BRSK1: variants seen among roughly 807,000 people sequenced by gnomAD.
BRSK1 encodes the protein BR serine/threonine kinase 1.
BRSK1 carries 17 observed loss-of-function variants against 86.2 expected under a neutral mutation model. The ratio of observed to expected loss-of-function variants is 0.20; its 90% CI spans 0.14 to 0.30. The LOEUF is 0.30. Among genes scored for constraint, BRSK1 ranks in the 10% least tolerant of loss-of-function variants. The probability of loss-of-function intolerance (pLI) is 1.00; values close to 1 mark genes in which losing one functional copy is unlikely to be tolerated. For missense variants in BRSK1, 719 were observed against 1,071.9 expected (o/e 0.67, Z 4.60); for synonymous variants, 464 against 440.1 (o/e 1.05, Z -0.68).
chr19:55,286,907 C>G, intron 1 of BRSK1, 100 bp from the exon 2 acceptor site: 1 of 1,068,798 alleles, frequency 9.4e-7, no homozygotes, highest in South Asian at 1.3e-5. Flanking sequence ...AACAGCCAGC[C>G]CAGGAGGAAG....
chr19:55,290,697 A>G (rs1215289220), intron 4 of BRSK1, among the ~76,000 whole-genome samples: 4 of 150,740 alleles, frequency 2.7e-5, no homozygotes, highest in Admixed American at 6.6e-5. Context: ...GCTGGAGTGC[A>G]GTGGCGCGAT....
chr19:55,305,633 A>C (rs1479089929), intron 16 of BRSK1, 47 bp downstream of exon 16: 2 of 1,612,192 alleles, frequency 1.2e-6, no homozygotes, highest in East Asian at 2.2e-5. Flanking sequence ...CAGAACTACA[A>C]GTCCCAGCAG....
At chr19:55,305,687 G>A in intron 16 of BRSK1, 101 bp downstream of exon 16, 2 of 1,530,542 alleles carry the variant, frequency 1.3e-6, no homozygotes, top group Non-Finnish European at 1.8e-6. Flanking sequence ...CTTCCTCCTG[G>A]GGCTCATGGG....
In BRSK1 at chr19:55,284,062, A is replaced by C; in HGVS notation, c.-381A>C. ...GCGGGGGGAGGCGGAGAGGAGGAGG[A>C]GGCGGAGGAGAGAGGGCGCGTGGGG... On this transcript the variant is annotated 5_prime_UTR_variant, in exon 1 of 19. Transcript: ENST00000309383. 5 of 655,548 alleles carry C rather than the reference A, an allele frequency of 7.6e-6. No homozygotes were observed. Among genetic ancestry groups the C allele is most frequent in the Non-Finnish European group, 9.9e-6 (5 of 506,724 alleles). The allele number at this position is 655,548 out of a possible 1,614,324, so 40.6% of individuals were successfully genotyped here.
Position 55,284,350 on chromosome 19 carries a change from G to T in BRSK1, c.-93G>T. 7.6e-6 allele frequency: 7 copies of T among 916,366 alleles called. No homozygotes were observed. The highest frequency in any genetic ancestry group is 1.0e-5 in the Non-Finnish European group (7 of 693,654). The allele number at this position is 916,366 out of a possible 1,614,324, so 56.8% of individuals were successfully genotyped here. ...AGGTGGGGGGCAGCCGGGGGGGCCG[G>T]GACGGAGCGGTCGCCGGCCCCCACC... On this transcript the variant is annotated 5_prime_UTR_variant, in exon 1 of 19. Transcript: ENST00000309383.
intron 4 of BRSK1, 113 bp from the exon 5 acceptor site, chr19:55,293,904 A>T (rs1488556926): frequency 2.5e-6 from 2 of 800,500 alleles, no homozygotes; most frequent in South Asian, 4.5e-5. Flanking sequence ...ATGGTCTCTC[A>T]TCCCCTAAAA....
rs758877732 is a variant in BRSK1 at position 55,302,681 on chromosome 19, TTC to T, written c.858-13_858-12del. On this transcript the variant is annotated splice_polypyrimidine_tract_variant and intron_variant, in intron 9 of 18. Transcript: ENST00000309383. This position sits in a 1 kb window ranked among gnomAD's most constrained non-coding sequence, Gnocchi z 6.3. ...TCAGAAGCCCGGTTCCCAATAATGTTTCTCCACTTCCCCAGAGGCGGGAAACA... is the reference window on the plus strand; with the variant it reads ...TCAGAAGCCCGGTTCCCAATAATGTTTCCACTTCCCCAGAGGCGGGAAACA... 1.3e-6 allele frequency: 2 copies of T among 1,596,426 alleles called. No individual in the cohort carries two copies. The highest frequency in any genetic ancestry group is 2.2e-5 in the South Asian group (2 of 90,512).
intron 18 of BRSK1, among the ~76,000 whole-genome samples, chr19:55,311,622 A>G (rs551379013): frequency 1.3e-5 from 2 of 152,138 alleles, no homozygotes; most frequent in African/African-American, 4.8e-5. Context: ...AGAGTCTCCT[A>G]AAGTCAGGCC....
chr19:55,308,274 A>G (rs569640690), intron 17 of BRSK1, among the ~76,000 whole-genome samples: 1 of 108,668 alleles, frequency 9.2e-6, no homozygotes, highest in East Asian at 1.9e-4. Flanking sequence ...ATCTGCCCAC[A>G]TCGGCATTCC....
At position 55,284,498 on chromosome 19, in the gene BRSK1, A is replaced by AAG; in HGVS notation, c.56_57insAG (p.His19GlnfsTer48). ...GGCTCTCCCGCCTACCACCTCCCCC[A>AAG]CCCCCACCCCCACCCACCCCAGCAC... is the stretch of plus-strand genomic sequence containing the variant. On this transcript the variant is annotated frameshift_variant, in exon 1 of 19. Transcript: ENST00000309383. LOFTEE classifies it high-confidence loss of function. 2.5e-6 allele frequency: 1 copy of AAG among 403,748 alleles called. No individual in the cohort carries two copies. Among genetic ancestry groups the AAG allele is most frequent in the African/African-American group, 2.3e-5 (1 of 44,086 alleles). The allele number at this position is 403,748 out of a possible 1,614,324, so 25.0% of individuals were successfully genotyped here.
At chr19:55,284,917 G>A (rs1017170273) in intron 1 of BRSK1, among the ~76,000 whole-genome samples, 2 of 150,482 alleles carry the variant, frequency 1.3e-5, no homozygotes, top group Admixed American at 6.6e-5. Flanking sequence ...GGGTTTCAGG[G>A]AGGAGGGGCT....
At position 55,284,232 on chromosome 19, in the gene BRSK1, G is replaced by A. The variant is rs1336771034; in HGVS notation, c.-211G>A. The A allele has an allele frequency of 7.2e-6, 4 of 558,796 alleles. No individual in the cohort carries two copies. Among genetic ancestry groups the A allele is most frequent in the Non-Finnish European group, 7.9e-6 (3 of 377,616 alleles). 34.6% of individuals were successfully genotyped at this position (558,796 alleles called of 1,614,324 possible). A position where few individuals can be genotyped will look rare whatever the true frequency, so the allele number is the denominator to read the frequency against. On this transcript the variant is annotated 5_prime_UTR_variant, in exon 1 of 19. Coordinates refer to ENST00000309383, the MANE Select transcript of BRSK1 (RefSeq NM_032430.2). ...GCCCCCCTGGGCCATGCTGACTCCCGGGGCCTGACCCCCCCGGGCCAGCCC... is the reference window on the plus strand; with the variant it reads ...GCCCCCCTGGGCCATGCTGACTCCCAGGGCCTGACCCCCCCGGGCCAGCCC...
chr19:55,288,473 CAAAA>C (rs1233222342), intron 3 of BRSK1, among the ~76,000 whole-genome samples: 1 of 55,936 alleles, frequency 1.8e-5, no homozygotes. Context: ...GACTCTGTCT[CAAAA>C]AAAAAAAAAA....
Position 55,286,682 on chromosome 19 carries a change from C to A in BRSK1, c.137-325C>A, listed in dbSNP as rs118092726. 8.9e-3 allele frequency among the ~76,000 whole-genome samples: 1,328 copies of A among 149,212 alleles called. 6 individuals are homozygous for A. Among genetic ancestry groups the A allele is most frequent in the Middle Eastern group, 0.035 (10 of 288 alleles). ...GGGGCGGGGGCTTGGAGGAGACAGA[C>A]TCGGGGAGACACGGTGAGGAAAGAA... On this transcript the variant is annotated intron_variant, in intron 1 of 18. Transcript: ENST00000309383.
At chr19:55,300,696 G>A (rs746510483) in intron 7 of BRSK1, among the ~76,000 whole-genome samples, 29 of 152,242 alleles carry the variant, frequency 1.9e-4, no homozygotes, top group Admixed American at 3.3e-4. Flanking sequence ...AAAATTAGCC[G>A]GGCATAGTGG....
chr19:55,284,339 CG>C lies in BRSK1; in HGVS notation c.-97del. 2.8e-4 allele frequency: 245 copies of C among 877,464 alleles called. No individual in the cohort carries two copies. The highest frequency in any genetic ancestry group is 3.4e-4 in the South Asian group (6 of 17,406). 54.4% of individuals were successfully genotyped at this position (877,464 alleles called of 1,614,324 possible). A position where few individuals can be genotyped will look rare whatever the true frequency, so the allele number is the denominator to read the frequency against. ...GACCCCCGGAGAGGTGGGGGGCAGC[CG>C]GGGGGGCCGGGACGGAGCGGTCGCC... On this transcript the variant is annotated 5_prime_UTR_variant, in exon 1 of 19. Coordinates refer to ENST00000309383, the MANE Select transcript of BRSK1 (RefSeq NM_032430.2).
chr19:55,304,186 C>T lies in BRSK1; in HGVS notation c.1347+76C>T. On this transcript the variant is annotated intron_variant, in intron 13 of 18. Coordinates refer to ENST00000309383, the MANE Select transcript of BRSK1 (RefSeq NM_032430.2). This position sits in a 1 kb window ranked among gnomAD's most constrained non-coding sequence, Gnocchi z 5.2. ...TGGAGCAAAGATTGAGTAGCAGAAA[C>T]TACAATTCCTGTGCAGTCTTGAGAC... The T allele has an allele frequency of 7.1e-7, 1 of 1,406,272 alleles. No homozygotes were observed. Among genetic ancestry groups the T allele is most frequent in the Non-Finnish European group, 9.8e-7 (1 of 1,021,364 alleles). 87.1% of individuals were successfully genotyped at this position (1,406,272 alleles called of 1,614,324 possible).
chr19:55,294,092 G>A lies in BRSK1; in HGVS notation c.534G>A (p.Ala178=), dbSNP rs764740986. The part of the protein sequence containing the change: ...NNIRIADFGM[A]SLQVGDSLLE... ...TCCGCATTGCAGACTTCGGCATGGC[G>A]TCCCTGCAGGTGGGGGACAGCCTCC... The change falls in exon 5 of 19, where the codon GCG becomes GCA. Residue 178 remains alanine (A), a synonymous_variant. Transcript: ENST00000309383. The surrounding 1 kb of genome is among the most constrained non-coding windows in gnomAD (Gnocchi z 4.9). The A allele has an allele frequency of 1.4e-5, 23 of 1,613,754 alleles. No homozygotes were observed. The highest frequency in any genetic ancestry group is 8.9e-5 in the East Asian group (4 of 44,888).
At position 55,302,413 on chromosome 19, in the gene BRSK1, G is replaced by A. The variant is rs2088585050; in HGVS notation, c.857+245G>A. ...GAGGGAAAAAGGGACTGGGGGCCTG[G>A]ACTCCTGGATCCGAGGGAGGAGGGG... On this transcript the variant is annotated intron_variant, in intron 9 of 18. Transcript: ENST00000309383. The surrounding 1 kb of genome is among the most constrained non-coding windows in gnomAD (Gnocchi z 6.3). The A allele has an allele frequency of 1.6e-6, 1 of 614,690 alleles. No individual in the cohort carries two copies. The highest frequency in any genetic ancestry group is 2.9e-6 in the Non-Finnish European group (1 of 350,552). The allele number at this position is 614,690 out of a possible 1,614,324, so 38.1% of individuals were successfully genotyped here. A position where few individuals can be genotyped will look rare whatever the true frequency, so the allele number is the denominator to read the frequency against.
Sources: allele counts gnomAD v4.1 joint callset (sites outside exome capture counted in the v4.1 genomes callset), GRCh38; gene constraint gnomAD v4.1.1; non-coding constraint Gnocchi (gnomAD v3.1); transcripts MANE v1.5; gene names NCBI Gene and HGNC (gene_info 2026-07-23, HGNC 2026-07-21).